The following PANK4 variants were observed in gnomAD, a reference collection of about 807,000 sequenced individuals.
The protein encoded by PANK4 is 4'-phosphopantetheine phosphatase.
PANK4 carries 40 observed loss-of-function variants against 87.9 expected under a neutral mutation model. The ratio of observed to expected loss-of-function variants is 0.46; its 90% CI spans 0.35 to 0.59. PANK4 has a LOEUF of 0.59. Among genes scored for constraint, PANK4 ranks in the 20% least tolerant of loss-of-function variants. PANK4 has a pLI of 0.00. For missense variants in PANK4, 926 were observed against 1,072.3 expected, an observed-to-expected ratio of 0.86 and a Z score of 1.90; for synonymous variants, 524 against 467.4, an observed-to-expected ratio of 1.12 and a Z score of -1.56.
intron 13 of PANK4, 65 bp from the exon 14 acceptor site, chr1:2,511,748 A>C: frequency 1.0e-6 from 1 of 954,380 alleles, no homozygotes; most frequent in Admixed American, 1.8e-5. Flanking sequence ...ACAGTGCTCA[A>C]TGTGAAGACC....
Position 2,515,550 on chromosome 1 carries a change from C to A in PANK4, c.1374+12G>T. On this transcript the variant is annotated intron_variant, in intron 10 of 18. Coordinates refer to ENST00000378466, the MANE Select transcript of PANK4 (RefSeq NM_018216.4). The surrounding 1 kb of genome is among the most constrained non-coding windows in gnomAD (Gnocchi z 5.0). ...GCCTTGGAATCGTCTAGACGGCACC[C>A]GGAGCCCTCACCCCGTCCAGGGCCT... The A allele has an allele frequency of 6.2e-7, 1 of 1,611,964 alleles. No individual in the cohort carries two copies. Among genetic ancestry groups the A allele is most frequent in the East Asian group, 2.2e-5 (1 of 44,856 alleles).
chr1:2,516,328 GC>G (rs1643775639), intron 9 of PANK4, among the ~76,000 whole-genome samples: 1 of 152,168 alleles, frequency 6.6e-6, no homozygotes, highest in South Asian at 2.1e-4. Flanking sequence ...GCAGGGCCAG[GC>G]CATTATGCAC....
intron 15 of PANK4, among the ~76,000 whole-genome samples, 180 bp downstream of exon 15, chr1:2,511,158 G>C (rs1404184803): frequency 6.6e-6 from 1 of 152,222 alleles, no homozygotes; most frequent in Non-Finnish European, 1.5e-5. Context: ...CTAAGAAGCA[G>C]TCACGACAGG....
chr1:2,509,591 G>A lies in PANK4; in HGVS notation c.2108+271C>T, dbSNP rs913319298. Among the ~76,000 whole-genome samples, 1 of 152,190 alleles carries A rather than the reference G, an allele frequency of 6.6e-6. No individual in the cohort carries two copies. The highest frequency in any genetic ancestry group is 1.5e-5 in the Non-Finnish European group (1 of 68,036). On this transcript the variant is annotated intron_variant, in intron 18 of 18. Transcript: ENST00000378466. This position sits in a 1 kb window ranked among gnomAD's most constrained non-coding sequence, Gnocchi z 4.9. ...GCCCAGGTCGCCCTCGGTCTCAGCTGAGTGGCCACAGGGACATTGGCCCCT... is the reference window on the plus strand; with the variant it reads ...GCCCAGGTCGCCCTCGGTCTCAGCTAAGTGGCCACAGGGACATTGGCCCCT...
chr1:2,514,092 G>A lies in PANK4; in HGVS notation c.1488-3C>T, dbSNP rs753685815. The A allele has an allele frequency of 7.3e-5, 117 of 1,610,304 alleles. 1 individual carries two copies. The highest frequency in any genetic ancestry group is 7.3e-4 in the South Asian group (66 of 91,028). On this transcript the variant is annotated splice_polypyrimidine_tract_variant and splice_region_variant and intron_variant, in intron 11 of 18. Transcript: ENST00000378466. ...GCACGGTCAGGGTCCCATAGGCGCT[G>A]GGGACAGACACGGCAGAGGGCGCTG...
rs370557254 is a variant in PANK4 at position 2,513,018 on chromosome 1, C to T, written c.1597G>A (p.Val533Met). The T allele has an allele frequency of 4.1e-5, 66 of 1,605,124 alleles. No homozygotes were observed. The highest frequency in any genetic ancestry group is 1.7e-4 in the Middle Eastern group (1 of 6,058). The change falls in exon 13 of 19, where the codon GTG becomes ATG. Residue 533 changes from valine (V) to methionine (M), a missense_variant. Val to Met is a conservative substitution (Grantham distance 21). Transcript: ENST00000378466. ...ACCCCGGGGAAGCACCTCAGCGCCA[C>T]GCCATTCTCCCGCTGCTTCACCTGT... is the stretch of plus-strand genomic sequence containing the variant. ...YSKVKQRENG[V>M]ALRCFPGVVR...
chr1:2,524,984 G>T (rs2100801480), intron 1 of PANK4, among the ~76,000 whole-genome samples: 2 of 152,264 alleles, frequency 1.3e-5, no homozygotes, highest in Non-Finnish European at 2.9e-5. Flanking sequence ...GGTCCCTAAA[G>T]ATGCTACTCA....
chr1:2,514,758 T>G (rs1286953911), intron 10 of PANK4, among the ~76,000 whole-genome samples: 1 of 151,872 alleles, frequency 6.6e-6, no homozygotes, highest in African/African-American at 2.4e-5. Flanking sequence ...CAGTTTCTAC[T>G]GGAACAGGAA....
chr1:2,513,851 G>A, intron 12 of PANK4, 151 bp downstream of exon 12: 1 of 719,802 alleles, frequency 1.4e-6, no homozygotes, highest in Non-Finnish European at 2.6e-6. Context: ...CCTGGCTATT[G>A]TGGTGCCAGG....
In PANK4 at chr1:2,521,247, G is replaced by A. The variant is rs1288601735; in HGVS notation, c.276C>T (p.His92=). 8.1e-6 allele frequency: 13 copies of A among 1,613,816 alleles called. No individual in the cohort carries two copies. The highest frequency in any genetic ancestry group is 1.0e-5 in the Non-Finnish European group (12 of 1,179,958). Residue 92 remains histidine, a synonymous_variant, in exon 3 of 19, where the codon CAC becomes CAT. Transcript: ENST00000378466. ...TGTAGGTATTCTCAAACTTAATGAA[G>A]TGCAGTCGAGCAGTGATCTCTTCTT... ...SVQEEITARL[H]FIKFENTYIE...
At chr1:2,526,432 C>G (rs1200959852) in intron 1 of PANK4, 32 bp downstream of exon 1, 2 of 1,245,338 alleles carry the variant, frequency 1.6e-6, no homozygotes, top group Admixed American at 2.9e-5. Flanking sequence ...CCCGCCCCCG[C>G]AGCCCGCGCC....
rs947778948 is a variant in PANK4, at chr1:2,515,792, ACT to A, written c.1219-77_1219-76del. On this transcript the variant is annotated intron_variant, in intron 9 of 18. Coordinates refer to ENST00000378466, the MANE Select transcript of PANK4 (RefSeq NM_018216.4). The surrounding 1 kb of genome is among the most constrained non-coding windows in gnomAD (Gnocchi z 5.0). ...ACCCAAGCCACACTCAGAAGCTTCC[ACT>A]CTCTCTCTAAGAAGGGAGATGTACT... 2.2e-6 allele frequency: 3 copies of A among 1,379,054 alleles called. No homozygotes were observed. Among genetic ancestry groups the A allele is most frequent in the African/African-American group, 1.4e-5 (1 of 69,938 alleles). 85.4% of individuals were successfully genotyped at this position (1,379,054 alleles called of 1,614,324 possible).
rs141941464 is a variant in PANK4, at chr1:2,508,976, G to A, written c.2193C>T (p.His731=). ...AGCGCAGGGCTGCGTGGTAGTTTGT[G>A]TGGACAGCACGGCCCATGCCCTCGA... The part of the protein sequence containing the change: ...VVIEGMGRAV[H]TNYHAALRCE... The change falls in exon 19 of 19, where the codon CAC becomes CAT. Residue 731 remains histidine (H), a synonymous_variant. Coordinates refer to ENST00000378466, the MANE Select transcript of PANK4 (RefSeq NM_018216.4). This position sits in a 1 kb window ranked among gnomAD's most constrained non-coding sequence, Gnocchi z 5.1. The A allele has an allele frequency of 2.1e-4, 346 of 1,609,822 alleles. 3 individuals carry two copies. In the African/African-American group the frequency reaches 3.7e-3, roughly 17 times the overall value.
chr1:2,519,002 T>C lies in PANK4; in HGVS notation c.1035+141A>G. ...CAAAATGTAGGCTGCCCAGAATCAG[T>C]CAGAAGGGAGGGGTGCTGGGCTTCT... On this transcript the variant is annotated intron_variant, in intron 7 of 18. Transcript: ENST00000378466. This position sits in a 1 kb window ranked among gnomAD's most constrained non-coding sequence, Gnocchi z 8.3. 1.3e-6 allele frequency: 1 copy of C among 760,946 alleles called. No homozygotes were observed. Among genetic ancestry groups the C allele is most frequent in the Non-Finnish European group, 2.2e-6 (1 of 464,222 alleles). 47.1% of individuals were successfully genotyped at this position (760,946 alleles called of 1,614,324 possible). A position where few individuals can be genotyped will look rare whatever the true frequency, so the allele number is the denominator to read the frequency against.
At position 2,513,988 on chromosome 1, in the gene PANK4, C is replaced by A. The variant is rs766228589; in HGVS notation, c.1575+14G>T. On this transcript the variant is annotated intron_variant, in intron 12 of 18. Transcript: ENST00000378466. ...GACAAGAGCGAGCGGAAGGCCAGGGCACACTGCACTTACTTTGGAGTAGGG... is the reference window on the plus strand; with the variant it reads ...GACAAGAGCGAGCGGAAGGCCAGGGAACACTGCACTTACTTTGGAGTAGGG... 6.3e-7 allele frequency: 1 copy of A among 1,587,888 alleles called. No homozygotes were observed. The highest frequency in any genetic ancestry group is 8.6e-7 in the Non-Finnish European group (1 of 1,157,038).
At position 2,515,334 on chromosome 1, in the gene PANK4, G is replaced by A. The variant is rs1175769126; in HGVS notation, c.1374+228C>T. On this transcript the variant is annotated intron_variant, in intron 10 of 18. Coordinates refer to ENST00000378466, the MANE Select transcript of PANK4 (RefSeq NM_018216.4). This position sits in a 1 kb window ranked among gnomAD's most constrained non-coding sequence, Gnocchi z 5.0. ...CTAGCAGAACTATCAGCTGCCCTTA[G>A]AAGCAACGTGCCTCGCAGACGCCAC... 4.3e-6 allele frequency: 3 copies of A among 697,108 alleles called. No homozygotes were observed. The highest frequency in any genetic ancestry group is 4.0e-5 in the Admixed American group (2 of 49,796). The allele number at this position is 697,108 out of a possible 1,614,324, so 43.2% of individuals were successfully genotyped here. A position where few individuals can be genotyped will look rare whatever the true frequency, so the allele number is the denominator to read the frequency against.
Position 2,509,074 on chromosome 1 carries a change from G to A in PANK4, c.2109-14C>T, listed in dbSNP as rs764170819. ...TTATCCAGGCGGCTTTGGGGAGGAAGAGGACGGTGAGACTGGGCAAGCAGA... is the reference window on the plus strand; with the variant it reads ...TTATCCAGGCGGCTTTGGGGAGGAAAAGGACGGTGAGACTGGGCAAGCAGA... On this transcript the variant is annotated splice_polypyrimidine_tract_variant and intron_variant, in intron 18 of 18. Transcript: ENST00000378466. The surrounding 1 kb of genome is among the most constrained non-coding windows in gnomAD (Gnocchi z 4.9). The A allele has an allele frequency of 3.2e-6, 5 of 1,581,288 alleles. No homozygotes were observed. Among genetic ancestry groups the A allele is most frequent in the Admixed American group, 3.5e-5 (2 of 57,650 alleles).
At chr1:2,516,044 A>G (rs1643767921) in intron 9 of PANK4, 2 of 417,928 alleles carry the variant, frequency 4.8e-6, no homozygotes, top group South Asian at 2.7e-5. Flanking sequence ...CCATCCCTAT[A>G]GTAACTCCCT....
In PANK4 at chr1:2,518,181, G is replaced by T; in HGVS notation, c.1201C>A (p.Arg401=). 6.2e-7 allele frequency: 1 copy of T among 1,607,188 alleles called. No individual in the cohort carries two copies. Among genetic ancestry groups the T allele is most frequent in the East Asian group, 2.2e-5 (1 of 44,824 alleles). The change falls in exon 9 of 19, where the codon CGG becomes AGG. Residue 401 remains arginine (R), a synonymous_variant. Transcript: ENST00000378466. The part of the protein sequence containing the change: ...SASPELGPAQ[R]ARSGTFDLLE... ...CTACTCACAGTGCCACTCCGCGCCC[G>T]CTGCGCCGGGCCGAGCTCGGGTGAT...
Sources: gnomAD v4.1 joint callset for allele counts (sites outside exome capture counted in the v4.1 genomes callset) on GRCh38, gnomAD v4.1.1 for gene constraint, Gnocchi (gnomAD v3.1) non-coding constraint, MANE v1.5 for transcripts, NCBI Gene and HGNC (gene_info 2026-07-23, HGNC 2026-07-21) for gene names.